The following TSHZ3 variants were observed in gnomAD, a reference collection of about 807,000 sequenced individuals.
TSHZ3 encodes teashirt homolog 3.
A neutral mutation model predicts 64.5 loss-of-function variants in TSHZ3; 10 were observed. That is an observed-to-expected ratio of 0.16 (90% CI 0.10 to 0.26). TSHZ3 has a LOEUF of 0.26. Among genes scored for constraint, TSHZ3 ranks in the 10% least tolerant of loss-of-function variants. The pLI, the probability that TSHZ3 is intolerant of heterozygous loss-of-function variation, is 1.00. For missense variants in TSHZ3, 1,242 were observed against 1,421.7 expected (o/e 0.87, Z 2.03); for synonymous variants, 608 against 593.1 (o/e 1.03, Z -0.36).
chr19:31,251,908 C>T (rs1486341500), intron 1 of TSHZ3, among the ~76,000 whole-genome samples: 4 of 152,180 alleles, frequency 2.6e-5, no homozygotes, highest in Non-Finnish European at 5.9e-5. Flanking sequence ...TCAAGGGCTT[C>T]TCAGCAGAGC....
chr19:31,176,298 A>G (rs1038657028), intron 5 of TSHZ3, among the ~76,000 whole-genome samples: 2 of 152,204 alleles, frequency 1.3e-5, no homozygotes, highest in Non-Finnish European at 2.9e-5. Flanking sequence ...CACATGTTTC[A>G]GAGTTGACAA....
chr19:31,303,630 A>G (rs1240059118), intron 1 of TSHZ3, among the ~76,000 whole-genome samples: 1 of 152,010 alleles, frequency 6.6e-6, no homozygotes, highest in Non-Finnish European at 1.5e-5. Context: ...ACCCCGCCCC[A>G]TCTTCCTCTC....
intron 1 of TSHZ3, among the ~76,000 whole-genome samples, chr19:31,254,035 A>G (rs910845303): frequency 6.6e-6 from 1 of 151,970 alleles, no homozygotes; most frequent in Non-Finnish European, 1.5e-5. Flanking sequence ...ACCCCCATCT[A>G]CAGAACAGAC....
intron 1 of TSHZ3, among the ~76,000 whole-genome samples, chr19:31,332,005 ACCTCTCCCTTTTC>A (rs1917110243): frequency 6.6e-6 from 1 of 152,014 alleles, no homozygotes. Flanking sequence ...TCCCTTCTCA[ACCTCTCCCTTTTC>A]CCCCTCTAAC....
At chr19:31,344,809 T>A (rs1296590232) in intron 1 of TSHZ3, among the ~76,000 whole-genome samples, 1 of 152,196 alleles carries the variant, frequency 6.6e-6, no homozygotes, top group Non-Finnish European at 1.5e-5. Flanking sequence ...CCCTGAGCAG[T>A]CGCCTTTCAT....
chr19:31,221,980 T>C (rs1395967115), intron 4 of TSHZ3, among the ~76,000 whole-genome samples: 1 of 152,188 alleles, frequency 6.6e-6, no homozygotes, highest in Admixed American at 6.5e-5. Flanking sequence ...TACAGTGACA[T>C]GAGGTCAGGA....
intron 1 of TSHZ3, among the ~76,000 whole-genome samples, chr19:31,301,458 C>T (rs922366794): frequency 1.3e-5 from 2 of 152,176 alleles, no homozygotes; most frequent in African/African-American, 4.8e-5. Flanking sequence ...CACTCAAACA[C>T]CTCGCCCTGG....
chr19:31,211,398 C>T (rs1173288247), intron 4 of TSHZ3, among the ~76,000 whole-genome samples: 1 of 152,160 alleles, frequency 6.6e-6, no homozygotes, highest in Admixed American at 6.5e-5. Context: ...GTAAGATGGA[C>T]TACAGCAGAC....
At chr19:31,179,692 T>A (rs1024101856) in intron 5 of TSHZ3, among the ~76,000 whole-genome samples, 2 of 151,354 alleles carry the variant, frequency 1.3e-5, no homozygotes, top group Non-Finnish European at 2.9e-5. Context: ...GTGATAATTG[T>A]GGTGGTGGTG....
At chr19:31,318,283 T>TA (rs1916663173) in intron 1 of TSHZ3, among the ~76,000 whole-genome samples, 1 of 152,238 alleles carries the variant, frequency 6.6e-6, no homozygotes, top group African/African-American at 2.4e-5. Context: ...TGTAAACTGA[T>TA]ATAACAGATA....
chr19:31,211,968 G>A lies in TSHZ3; in HGVS notation n.687-6890C>T, dbSNP rs540823714. Among the ~76,000 whole-genome samples the A allele has an allele frequency of 4.6e-5, 7 of 152,272 alleles. No individual in the cohort carries two copies. The South Asian group carries it at 1.2e-3, about 27-fold the overall frequency. ...AGGGTAGATGCTTGGAGGCATGTTT[G>A]CTCAGTAGATTGAGGCTTTTAAGCC... On this transcript the variant is annotated intron_variant and non_coding_transcript_variant, in intron 4 of 6. Coordinates refer to the TSHZ3 transcript ENST00000651361.
In TSHZ3 at chr19:31,190,539, C is replaced by T. The variant is rs142755171; in HGVS notation, n.809+14417G>A. ...AAAAACAAATCCTAACATGATCAAA[C>T]TGATTTCCCAATAATTATCTATAAA... is the stretch of plus-strand genomic sequence containing the variant. On this transcript the variant is annotated intron_variant and non_coding_transcript_variant, in intron 5 of 6. Transcript: ENST00000651361. 1.7e-3 allele frequency among the ~76,000 whole-genome samples: 254 copies of T among 152,296 alleles called. 3 individuals carry two copies. The highest frequency in any genetic ancestry group is 5.9e-3 in the African/African-American group (247 of 41,568).
Position 31,242,592 on chromosome 19 carries a change from G to A in TSHZ3, n.227C>T, listed in dbSNP as rs142016949. Among the ~76,000 whole-genome samples the A allele has an allele frequency of 8.9e-3, 1,355 of 152,212 alleles. 10 individuals carry two copies. Among genetic ancestry groups the A allele is most frequent in the South Asian group, 0.021 (99 of 4,818 alleles). On this transcript the variant is annotated non_coding_transcript_exon_variant, in exon 3 of 7. Transcript: ENST00000651361. ...GTCTCAGGTCTAGAAAACAGAATCT[G>A]GAGTTCTGATGTCCAAAGGCATCAG...
intron 1 of TSHZ3, among the ~76,000 whole-genome samples, chr19:31,268,484 G>T (rs1392883166): frequency 6.6e-5 from 10 of 152,172 alleles, no homozygotes. Flanking sequence ...TCACTGGGTG[G>T]ATGCTCCGTG....
intron 1 of TSHZ3, among the ~76,000 whole-genome samples, chr19:31,283,834 A>G (rs1311404801): frequency 6.6e-6 from 1 of 152,180 alleles, no homozygotes; most frequent in Non-Finnish European, 1.5e-5. Flanking sequence ...AGGGCTCTGG[A>G]AGCTGGCACA....
intron 1 of TSHZ3, among the ~76,000 whole-genome samples, chr19:31,302,202 C>T (rs901837770): frequency 2.6e-5 from 4 of 152,162 alleles, no homozygotes; most frequent in African/African-American, 9.7e-5. Flanking sequence ...GGAGTGACCC[C>T]TCAGTGCATG....
intron 5 of TSHZ3, among the ~76,000 whole-genome samples, chr19:31,181,771 T>C (rs568524265): frequency 3.9e-5 from 6 of 152,314 alleles, no homozygotes; most frequent in East Asian, 1.9e-4. Flanking sequence ...TGCTTTTTTT[T>C]GTTGTTGCTG....
At chr19:31,310,977 C>G (rs925019055) in intron 1 of TSHZ3, among the ~76,000 whole-genome samples, 2 of 152,206 alleles carry the variant, frequency 1.3e-5, no homozygotes, top group Non-Finnish European at 2.9e-5. Flanking sequence ...CCCACCCTTG[C>G]AGCTGGAAGG....
intron 1 of TSHZ3, chr19:31,348,923 G>A (rs1360103727): frequency 1.5e-5 from 7 of 461,134 alleles, no homozygotes; most frequent in Admixed American, 4.3e-5. Context: ...AGGAGGTAGG[G>A]ACCTGGCGCG....
Sources: gnomAD v4.1 joint callset for allele counts (sites outside exome capture counted in the v4.1 genomes callset) on GRCh38, gnomAD v4.1.1 for gene constraint, MANE v1.5 for transcripts, NCBI Gene and HGNC (gene_info 2026-07-23, HGNC 2026-07-21) for gene names.